Variants in AFF1 observed in about 807,000 individuals in gnomAD.
AFF1 encodes the protein ALF transcription elongation factor 1.
Under a neutral mutation model 121.7 loss-of-function variants are expected in AFF1, and 48 were observed. The observed-to-expected ratio is 0.39, with a 90% CI of 0.31 to 0.50. The LOEUF (loss-of-function observed/expected upper bound fraction) is 0.50. Among genes scored for constraint, AFF1 ranks in the 20% least tolerant of loss-of-function variants. The pLI is 0.76. For missense variants in AFF1, 1,523 were observed against 1,511.7 expected (o/e 1.01, Z -0.12); for synonymous variants, 613 against 563.0 (o/e 1.09, Z -1.26).
chr4:87,046,370 C>G, intron 3 of AFF1, 84 bp downstream of exon 3: 1 of 1,487,124 alleles, frequency 6.7e-7, no homozygotes, highest in Non-Finnish European at 9.1e-7. Flanking sequence ...TAATTGAGTT[C>G]GAACAAGGGT....
rs1413353911 is a variant in AFF1 at position 87,046,634 on chromosome 4, GT to G, written c.160-58del. 4 of 1,509,426 alleles carry G rather than the reference GT, an allele frequency of 2.7e-6. No individual in the cohort carries two copies. In the Admixed American group the frequency reaches 8.2e-5, roughly 31 times the overall value. 93.5% of individuals were successfully genotyped at this position (1,509,426 alleles called of 1,614,324 possible). On this transcript the variant is annotated intron_variant, in intron 3 of 20. Coordinates refer to ENST00000395146, the MANE Select transcript of AFF1 (RefSeq NM_001166693.3). ...TTCCTTAATAGTATTATATAACGTG[GT>G]TTGTTAAATGGTAGTTTTCCTTAGT...
chr4:86,940,039 G>A (rs1313019557), intron 1 of AFF1, among the ~76,000 whole-genome samples: 1 of 152,202 alleles, frequency 6.6e-6, no homozygotes, highest in Non-Finnish European at 1.5e-5. Flanking sequence ...TGAAGGCTGA[G>A]CGAGCACTGC....
intron 2 of AFF1, among the ~76,000 whole-genome samples, chr4:86,982,443 C>A (rs1231033720): frequency 8.1e-6 from 1 of 123,920 alleles, no homozygotes; most frequent in Non-Finnish European, 1.6e-5. Context: ...CTGTTTGTAT[C>A]CCCCTCCCAA....
rs59568294 is a variant in AFF1 at position 86,982,848 on chromosome 4, CAAAAAAAAA to C, written c.38+34296_38+34304del. Among the ~76,000 whole-genome samples the C allele has an allele frequency of 1.5e-4, 8 of 53,808 alleles. No homozygotes were observed. In the East Asian group the frequency reaches 2.9e-3, roughly 19 times the overall value. 35.3% of individuals were successfully genotyped at this position (53,808 alleles called of 152,430 possible). ...GGGCGACAGAGTAAGACTCTGTCTC[CAAAAAAAAA>C]AAAAAAAAAAAAAAAAAAGGAAGCT... is the stretch of plus-strand genomic sequence containing the variant. On this transcript the variant is annotated intron_variant, in intron 2 of 20. Transcript: ENST00000395146.
chr4:87,111,671 C>G (rs561816133), intron 11 of AFF1, among the ~76,000 whole-genome samples: 2 of 152,228 alleles, frequency 1.3e-5, no homozygotes, highest in Admixed American at 1.3e-4. Flanking sequence ...TATTTTTAAT[C>G]AATCCCTTAT....
chr4:87,134,400 C>CA (rs1729120003), intron 19 of AFF1, 71 bp from the exon 20 acceptor site: 6 of 1,362,536 alleles, frequency 4.4e-6, no homozygotes, highest in Non-Finnish European at 5.0e-6. Flanking sequence ...TAGTTCCAGA[C>CA]ACGTAAATCT....
chr4:86,999,705 T>G (rs989352033), intron 2 of AFF1, among the ~76,000 whole-genome samples: 1 of 152,212 alleles, frequency 6.6e-6, no homozygotes, highest in Non-Finnish European at 1.5e-5. Context: ...TCCTGGATCC[T>G]GGATGTGTGA....
intron 4 of AFF1, among the ~76,000 whole-genome samples, chr4:87,064,964 A>G (rs552962956): frequency 8.4e-4 from 127 of 151,908 alleles, no homozygotes; most frequent in Admixed American, 1.6e-3. Flanking sequence ...ACTTGAGCAC[A>G]GGAAGTGTAG....
At chr4:86,985,488 C>T (rs1421002502) in intron 2 of AFF1, among the ~76,000 whole-genome samples, 13 of 136,778 alleles carry the variant, frequency 9.5e-5, no homozygotes, top group African/African-American at 3.6e-4. Flanking sequence ...CCCGGGCCGA[C>T]AACAGCGAGA....
At position 87,136,148 on chromosome 4, in the gene AFF1, G is replaced by A. The variant is rs1394383277; in HGVS notation, c.*447G>A. The stretch of plus-strand genomic sequence containing the variant: ...TTTTTTAACAATGACTTTTGGTAAA[G>A]GGTTTTGTGGATGATTTTTTTTCTT... On this transcript the variant is annotated 3_prime_UTR_variant, in exon 21 of 21. Coordinates refer to ENST00000395146, the MANE Select transcript of AFF1 (RefSeq NM_001166693.3). The A allele has an allele frequency of 4.3e-6, 1 of 233,244 alleles. No individual in the cohort carries two copies. The highest frequency in any genetic ancestry group is 8.5e-6 in the Non-Finnish European group (1 of 118,318). 14.4% of individuals were successfully genotyped at this position (233,244 alleles called of 1,614,324 possible).
intron 4 of AFF1, among the ~76,000 whole-genome samples, chr4:87,068,562 T>C (rs1721624991): frequency 6.6e-6 from 1 of 152,216 alleles, no homozygotes; most frequent in Admixed American, 6.5e-5. Flanking sequence ...ATGGAGGCAT[T>C]GCCCATTTCA....
At chr4:87,087,327 A>G (rs1451153524) in intron 5 of AFF1, among the ~76,000 whole-genome samples, 1 of 152,236 alleles carries the variant, frequency 6.6e-6, no homozygotes, top group Non-Finnish European at 1.5e-5. Context: ...TTGGGTGTTG[A>G]TGGTGCTGTG....
chr4:86,977,993 G>A (rs1387496901), intron 2 of AFF1, among the ~76,000 whole-genome samples: 1 of 152,054 alleles, frequency 6.6e-6, no homozygotes, highest in Non-Finnish European at 1.5e-5. Flanking sequence ...TGACTTAATC[G>A]TGGGTGGAAG....
intron 4 of AFF1, among the ~76,000 whole-genome samples, chr4:87,053,884 A>G (rs1252467221): frequency 2.0e-5 from 3 of 152,242 alleles, no homozygotes; most frequent in Non-Finnish European, 4.4e-5. Context: ...GTGACTTAGA[A>G]CTAAGGAGCT....
At chr4:87,063,618 T>A (rs1225375074) in intron 4 of AFF1, among the ~76,000 whole-genome samples, 2 of 152,028 alleles carry the variant, frequency 1.3e-5, no homozygotes, top group African/African-American at 4.8e-5. Flanking sequence ...TTTAAGAAAA[T>A]ATGAGTGGGA....
intron 2 of AFF1, among the ~76,000 whole-genome samples, chr4:87,008,256 G>C (rs1352242918): frequency 6.6e-6 from 1 of 152,116 alleles, no homozygotes; most frequent in Non-Finnish European, 1.5e-5. Flanking sequence ...AAAGTAGTAG[G>C]GTTCTTCAAG....
chr4:87,060,693 G>A (rs1391982400), intron 4 of AFF1, among the ~76,000 whole-genome samples: 1 of 151,938 alleles, frequency 6.6e-6, no homozygotes, highest in Non-Finnish European at 1.5e-5. Flanking sequence ...ACAAAAATTA[G>A]CCAGGTATGG....
intron 1 of AFF1, among the ~76,000 whole-genome samples, chr4:86,947,620 G>GTGTAGTCAATTTATAAATA (rs1476766239): frequency 7.2e-5 from 11 of 152,194 alleles, no homozygotes; most frequent in Non-Finnish European, 1.5e-4. Flanking sequence ...GTTAGGATAA[G>GTGTAGTCAATTTATAAATA]TGTAGTCAAT....
rs189564434 is a variant in AFF1, at chr4:87,006,719, C to T, written c.39-39447C>T. On this transcript the variant is annotated intron_variant, in intron 2 of 20. Coordinates refer to ENST00000395146, the MANE Select transcript of AFF1 (RefSeq NM_001166693.3). ...AGCTGGAGTTCTGAGCGGCTGGGTA[C>T]TGTGTATTCCAGCGGTGGGTGTCTG... Among the ~76,000 whole-genome samples the T allele has an allele frequency of 3.9e-4, 59 of 152,352 alleles. 1 individual carries two copies. The East Asian group carries it at 0.01, about 26-fold the overall frequency.
Sources: gnomAD v4.1 joint callset for allele counts (sites outside exome capture counted in the v4.1 genomes callset) on GRCh38, gnomAD v4.1.1 for gene constraint, MANE v1.5 for transcripts, NCBI Gene and HGNC (gene_info 2026-07-23, HGNC 2026-07-21) for gene names.